The following NPAS3 variants were observed in gnomAD, a reference collection of about 807,000 sequenced individuals.
NPAS3 encodes neuronal PAS domain protein 3, also known as neuronal PAS domain-containing protein 3.
In NPAS3, 14 loss-of-function variants were observed where a neutral mutation model predicts 73.1. The observed-to-expected ratio is 0.19, with a 90% CI of 0.13 to 0.30. The LOEUF is 0.30. Among genes scored for constraint, NPAS3 ranks in the 10% least tolerant of loss-of-function variants. NPAS3 has a pLI of 1.00. For synonymous variants in NPAS3, 620 were observed against 541.5 expected (o/e 1.14, Z -2.01); for missense variants, 1,096 against 1,250.0 (o/e 0.88, Z 1.86).
chr14:33,462,753 A>G (rs527854220), intron 4 of NPAS3, among the ~76,000 whole-genome samples: 1 of 148,940 alleles, frequency 6.7e-6, no homozygotes, highest in South Asian at 2.1e-4. Flanking sequence ...CCATGAGTAT[A>G]TGGTCTGGAT....
chr14:33,163,623 G>GTTTTTT (rs71448290), intron 2 of NPAS3, among the ~76,000 whole-genome samples: 2 of 110,620 alleles, frequency 1.8e-5, no homozygotes, highest in African/African-American at 3.1e-5. Flanking sequence ...GTGTTTTGTT[G>GTTTTTT]TTTTTTTTTT....
At chr14:33,400,879 T>G (rs2047416148) in intron 4 of NPAS3, among the ~76,000 whole-genome samples, 1 of 152,050 alleles carries the variant, frequency 6.6e-6, no homozygotes, top group Non-Finnish European at 1.5e-5. Context: ...ACCTAGGATT[T>G]CAGTTTCATT....
At chr14:33,729,164 T>A (rs1315752094) in intron 6 of NPAS3, among the ~76,000 whole-genome samples, 1 of 152,140 alleles carries the variant, frequency 6.6e-6, no homozygotes, top group Non-Finnish European at 1.5e-5. Context: ...TTTTGCAAAT[T>A]TCCCATTTTA....
At chr14:33,776,686 T>C (rs972354113) in intron 8 of NPAS3, among the ~76,000 whole-genome samples, 3 of 152,130 alleles carry the variant, frequency 2.0e-5, no homozygotes, top group African/African-American at 7.2e-5. Flanking sequence ...AAAAGCATAT[T>C]GTGTGCCAGG....
chr14:33,022,944 G>T (rs2039664418), intron 1 of NPAS3, among the ~76,000 whole-genome samples: 1 of 152,026 alleles, frequency 6.6e-6, no homozygotes, highest in African/African-American at 2.4e-5. Flanking sequence ...TTGCCTTTCT[G>T]AGTGCAGACA....
At chr14:33,016,256 TA>T (rs1299029994) in intron 1 of NPAS3, among the ~76,000 whole-genome samples, 1 of 152,002 alleles carries the variant, frequency 6.6e-6, no homozygotes, top group Non-Finnish European at 1.5e-5. Flanking sequence ...ACAATCCAAA[TA>T]AAAAAAATTT....
At chr14:33,087,200 TA>T (rs11315271) in intron 2 of NPAS3, among the ~76,000 whole-genome samples, 4,424 of 98,654 alleles carry the variant, frequency 0.045, 185 homozygotes, top group East Asian at 0.17. Context: ...TATTGTATAA[TA>T]ATATAGTATT....
At chr14:33,056,673 T>G (rs956770087) in intron 2 of NPAS3, among the ~76,000 whole-genome samples, 1 of 152,210 alleles carries the variant, frequency 6.6e-6, no homozygotes, top group African/African-American at 2.4e-5. Flanking sequence ...TAATATATCA[T>G]AGTTGGACTT....
At chr14:33,016,784 A>G (rs1402348097) in intron 1 of NPAS3, among the ~76,000 whole-genome samples, 1 of 151,944 alleles carries the variant, frequency 6.6e-6, no homozygotes, top group Non-Finnish European at 1.5e-5. Context: ...CTCCTTCCTA[A>G]TTTTTAAGCA....
chr14:32,938,476 AGAGAGAAATT>A (rs2035780348), upstream of NPAS3, among the ~76,000 whole-genome samples: 11 of 113,436 alleles, frequency 9.7e-5, no homozygotes, highest in Non-Finnish European at 1.5e-4. Context: ...AGAGAGAGAG[AGAGAGAAATT>A]GAGAGAGAGA....
chr14:33,667,939 A>C (rs2059501712), intron 5 of NPAS3, among the ~76,000 whole-genome samples: 1 of 152,082 alleles, frequency 6.6e-6, no homozygotes, highest in African/African-American at 2.4e-5. Context: ...TCTGGGGTAC[A>C]TGTACAGGAT....
chr14:33,152,145 A>T lies in NPAS3; in HGVS notation c.141-63037A>T, dbSNP rs1435160743. ...GTAGAGGCCAGAGATGCTGCTAAAC[A>T]TCCTACAGTGCGCAGGAAAGCCCCT... On this transcript the variant is annotated intron_variant, in intron 2 of 11. Coordinates refer to ENST00000356141, the Ensembl canonical transcript of NPAS3. Among the ~76,000 whole-genome samples, 3 of 152,022 alleles carry T rather than the reference A, an allele frequency of 2.0e-5. No homozygotes were observed. The South Asian group carries it at 6.2e-4, about 32-fold the overall frequency.
intron 2 of NPAS3, among the ~76,000 whole-genome samples, chr14:33,075,599 T>C (rs999028376): frequency 6.6e-6 from 1 of 152,220 alleles, no homozygotes; most frequent in African/African-American, 2.4e-5. Flanking sequence ...AGAACACATT[T>C]TATAGCAGCT....
At position 33,566,309 on chromosome 14, in the gene NPAS3, G is replaced by A. The variant is rs529450445; in HGVS notation, c.558+6099G>A. Among the ~76,000 whole-genome samples, 8 of 151,736 alleles carry A rather than the reference G, an allele frequency of 5.3e-5. No individual in the cohort carries two copies. The East Asian group carries it at 7.8e-4, about 15-fold the overall frequency. On this transcript the variant is annotated intron_variant, in intron 5 of 11. Transcript: ENST00000356141. ...ACAGAGATAATCTCAGCAATCCCACGGGTGACCTTATCGTTCTCACCAGGG... is the reference window on the plus strand; with the variant it reads ...ACAGAGATAATCTCAGCAATCCCACAGGTGACCTTATCGTTCTCACCAGGG...
At chr14:33,325,427 C>G (rs1195105758) in intron 3 of NPAS3, among the ~76,000 whole-genome samples, 1 of 152,078 alleles carries the variant, frequency 6.6e-6, no homozygotes, top group Non-Finnish European at 1.5e-5. Flanking sequence ...GGGTGGATCA[C>G]TTGAAGTCAG....
chr14:33,436,158 A>G (rs2048980381), intron 4 of NPAS3, among the ~76,000 whole-genome samples: 1 of 152,338 alleles, frequency 6.6e-6, no homozygotes, highest in Non-Finnish European at 1.5e-5. Flanking sequence ...GAAAGAAAGC[A>G]TGAAGAATGG....
Position 33,014,301 on chromosome 14 carries a change from T to G in NPAS3, c.51-41604T>G, listed in dbSNP as rs1273454267. On this transcript the variant is annotated intron_variant, in intron 1 of 11. Transcript: ENST00000356141. ...ATCGAGAATATTTGTTCAAAGATTC[T>G]ATTTCATAATATGCTTTTAGTATGA... Among the ~76,000 whole-genome samples, 4 of 152,218 alleles carry G rather than the reference T, an allele frequency of 2.6e-5. No individual in the cohort carries two copies. The South Asian group carries it at 8.3e-4, about 31-fold the overall frequency.
At chr14:33,513,928 A>G (rs2053179596) in intron 4 of NPAS3, among the ~76,000 whole-genome samples, 1 of 152,038 alleles carries the variant, frequency 6.6e-6, no homozygotes, top group Non-Finnish European at 1.5e-5. Context: ...GGAGGAGAAG[A>G]CTTGCATGCC....
In NPAS3 at chr14:33,313,522, G is replaced by C. The variant is rs1358218982; in HGVS notation, c.386-53664G>C. ...CATCCAGGCAGTGCTAGTTACTGAA[G>C]TGCAAAAGTCTTTGCTGTAGGCACT... is the stretch of plus-strand genomic sequence containing the variant. On this transcript the variant is annotated intron_variant, in intron 3 of 11. Transcript: ENST00000356141. 2.6e-5 allele frequency among the ~76,000 whole-genome samples: 4 copies of C among 152,188 alleles called. No individual in the cohort carries two copies. In the South Asian group the frequency reaches 8.3e-4, roughly 32 times the overall value.
Sources: gnomAD v4.1 joint callset for allele counts (sites outside exome capture counted in the v4.1 genomes callset) on GRCh38, gnomAD v4.1.1 for gene constraint, MANE v1.5 for transcripts, NCBI Gene and HGNC (gene_info 2026-07-23, HGNC 2026-07-21) for gene names.